Variants in CNTLN observed in about 807,000 individuals in gnomAD.
The protein encoded by CNTLN is centlein.
A neutral mutation model predicts 180.0 loss-of-function variants in CNTLN; 212 were observed. The ratio of observed to expected loss-of-function variants is 1.18; its 90% confidence interval spans 1.05 to 1.32. The LOEUF is 1.32. CNTLN is among the 40% of genes most tolerant of loss of function. The pLI, the probability that CNTLN is intolerant of heterozygous loss-of-function variation, is 0.00. For missense variants in CNTLN, 2,095 were observed against 1,610.9 expected, an observed-to-expected ratio of 1.30 and a Z score of -5.14; for synonymous variants, 722 against 563.1, an observed-to-expected ratio of 1.28 and a Z score of -3.99.
chr9:17,457,160 C>T (rs1458032003), intron 18 of CNTLN, among the ~76,000 whole-genome samples: 1 of 152,110 alleles, frequency 6.6e-6, no homozygotes, highest in Non-Finnish European at 1.5e-5. Context: ...TCTTGTCCTG[C>T]TCCAGCTTGG....
At chr9:17,313,702 A>T (rs1470511052) in intron 8 of CNTLN, among the ~76,000 whole-genome samples, 1 of 152,098 alleles carries the variant, frequency 6.6e-6, no homozygotes, top group Non-Finnish European at 1.5e-5. Flanking sequence ...TTTCGCAAAT[A>T]TTTTTGTTTC....
chr9:17,262,310 G>A (rs973777411), intron 5 of CNTLN, among the ~76,000 whole-genome samples: 4 of 151,580 alleles, frequency 2.6e-5, no homozygotes, highest in African/African-American at 9.8e-5. Context: ...CAATAGCAAA[G>A]ACTTGGAACC....
At chr9:17,173,237 C>T (rs901893071) in intron 2 of CNTLN, among the ~76,000 whole-genome samples, 4 of 152,066 alleles carry the variant, frequency 2.6e-5, no homozygotes, top group Non-Finnish European at 5.9e-5. Context: ...TAAAATATCT[C>T]ATTGGAAATT....
At chr9:17,215,687 C>T (rs762585727) in intron 2 of CNTLN, among the ~76,000 whole-genome samples, 2 of 152,108 alleles carry the variant, frequency 1.3e-5, no homozygotes, top group Admixed American at 6.5e-5. Context: ...CCTTGAACTG[C>T]GGTGGGCTCC....
Position 17,313,148 on chromosome 9 carries a change from G to T in CNTLN, c.1341+3896G>T, listed in dbSNP as rs1394894740. Among the ~76,000 whole-genome samples the T allele has an allele frequency of 1.3e-5, 2 of 151,942 alleles. 1 individual carries two copies. The highest frequency in any genetic ancestry group is 4.2e-4 in the South Asian group (2 of 4,818). On this transcript the variant is annotated intron_variant, in intron 8 of 25. Transcript: ENST00000380647. ...AGTATAGCCAATTCTTCCCTTTAAT[G>T]GTTATATTTTGCATAGTATAACTTT...
At chr9:17,414,941 T>G (rs1438061384) in intron 16 of CNTLN, among the ~76,000 whole-genome samples, 5 of 151,832 alleles carry the variant, frequency 3.3e-5, no homozygotes, top group Non-Finnish European at 2.9e-5. Context: ...AATTCAAAAA[T>G]TAGCTGGGGG....
At chr9:17,199,689 GT>G (rs1822392480) in intron 2 of CNTLN, among the ~76,000 whole-genome samples, 2 of 151,984 alleles carry the variant, frequency 1.3e-5, no homozygotes, top group Admixed American at 1.3e-4. Flanking sequence ...TGATGGGGTT[GT>G]TTTTTTCTTG....
chr9:17,371,421 A>G (rs1824306344), intron 13 of CNTLN, among the ~76,000 whole-genome samples: 1 of 152,198 alleles, frequency 6.6e-6, no homozygotes, highest in Non-Finnish European at 1.5e-5. Context: ...AGGATATCAT[A>G]GTTGTAAATA....
At chr9:17,399,514 C>G (rs796402630) in intron 15 of CNTLN, among the ~76,000 whole-genome samples, 7 of 152,244 alleles carry the variant, frequency 4.6e-5, no homozygotes, top group African/African-American at 1.4e-4. Flanking sequence ...TGCTCTTTGA[C>G]TTTTCTTTTT....
intron 2 of CNTLN, among the ~76,000 whole-genome samples, chr9:17,157,973 C>T (rs1445285083): frequency 1.3e-5 from 2 of 152,166 alleles, no homozygotes; most frequent in East Asian, 1.9e-4. Context: ...TACCTTCAGG[C>T]TATGTATGTA....
chr9:17,413,419 T>C (rs1827999690), intron 16 of CNTLN, among the ~76,000 whole-genome samples: 2 of 152,032 alleles, frequency 1.3e-5, no homozygotes, highest in Non-Finnish European at 2.9e-5. Context: ...AAATTAGACT[T>C]CATTAAAATT....
At chr9:17,477,762 C>T (rs1371674445) in intron 23 of CNTLN, among the ~76,000 whole-genome samples, 1 of 152,174 alleles carries the variant, frequency 6.6e-6, no homozygotes, top group Non-Finnish European at 1.5e-5. Flanking sequence ...AAATCTCCTC[C>T]TGGTGAAAAC....
chr9:17,332,582 C>T, intron 9 of CNTLN, 23 bp from the exon 10 acceptor site: 1 of 1,591,570 alleles, frequency 6.3e-7, no homozygotes, highest in Non-Finnish European at 8.5e-7. Flanking sequence ...CTAGTTCAAC[C>T]ATGTCCTTGT....
chr9:17,266,030 C>G (rs1444377247), intron 5 of CNTLN, among the ~76,000 whole-genome samples: 5 of 152,034 alleles, frequency 3.3e-5, no homozygotes, highest in African/African-American at 7.2e-5. Flanking sequence ...TTTTGTGTTT[C>G]TATTTCCTTC....
intron 6 of CNTLN, among the ~76,000 whole-genome samples, chr9:17,292,865 T>C (rs1006735358): frequency 3.3e-5 from 5 of 152,152 alleles, no homozygotes; most frequent in African/African-American, 1.2e-4. Context: ...TATGATCATA[T>C]GGAGAAGAGG....
chr9:17,252,759 T>A (rs1826225952), intron 5 of CNTLN, among the ~76,000 whole-genome samples: 1 of 151,714 alleles, frequency 6.6e-6, no homozygotes, highest in Non-Finnish European at 1.5e-5. Flanking sequence ...GTGCAGAAGG[T>A]TTTTATTTAA....
At chr9:17,404,238 G>A (rs1189988367) in intron 15 of CNTLN, among the ~76,000 whole-genome samples, 1 of 151,752 alleles carries the variant, frequency 6.6e-6, no homozygotes, top group Non-Finnish European at 1.5e-5. Context: ...ATTGAAGTTA[G>A]GGTATATGCC....
At chr9:17,476,163 A>G (rs996775134) in intron 23 of CNTLN, among the ~76,000 whole-genome samples, 1 of 151,968 alleles carries the variant, frequency 6.6e-6, no homozygotes, top group African/African-American at 2.4e-5. Flanking sequence ...TGATGTTATT[A>G]TTTTAATTGT....
chr9:17,342,598 A>G (rs962346683), intron 12 of CNTLN, among the ~76,000 whole-genome samples, 154 bp downstream of exon 12: 3 of 152,242 alleles, frequency 2.0e-5, no homozygotes, highest in African/African-American at 7.2e-5. Context: ...TTTTAAAAAT[A>G]TATATATGTA....
Sources: allele counts gnomAD v4.1 joint callset (sites outside exome capture counted in the v4.1 genomes callset), GRCh38; gene constraint gnomAD v4.1.1; transcripts MANE v1.5; gene names NCBI Gene and HGNC (gene_info 2026-07-23, HGNC 2026-07-21).